Variants in PARM1 observed in about 807,000 individuals in gnomAD.
PARM1 encodes the protein prostate androgen-regulated mucin-like protein 1.
PARM1 carries 14 observed loss-of-function variants against 24.6 expected under a neutral mutation model. The ratio of observed to expected loss-of-function variants is 0.57; its 90% CI spans 0.38 to 0.89. PARM1 has a LOEUF of 0.89. Ranked by LOEUF, PARM1 falls within the 40% of genes least tolerant of loss-of-function variation. PARM1 has a pLI of 0.00. For synonymous variants in PARM1, 179 were observed against 156.6 expected, an observed-to-expected ratio of 1.14 and a Z score of -1.07; for missense variants, 362 against 380.4, an observed-to-expected ratio of 0.95 and a Z score of 0.40.
intron 1 of PARM1, among the ~76,000 whole-genome samples, chr4:75,007,786 T>A (rs1722800024): frequency 6.6e-6 from 1 of 152,110 alleles, no homozygotes; most frequent in Non-Finnish European, 1.5e-5. Context: ...GCCCTTATGA[T>A]GGAATTAGTG....
At chr4:74,946,699 A>G (rs1013187510) in intron 1 of PARM1, among the ~76,000 whole-genome samples, 1 of 152,242 alleles carries the variant, frequency 6.6e-6, no homozygotes, top group African/African-American at 2.4e-5. Flanking sequence ...TGAGGCACCA[A>G]CTGGCCAAAG....
chr4:74,970,280 A>G (rs1293749691), intron 1 of PARM1: 3 of 152,224 alleles, frequency 2.0e-5, no homozygotes, highest in Non-Finnish European at 4.4e-5. Context: ...CCTAACTTGT[A>G]CCTCACCAGT....
chr4:74,952,200 T>A (rs2109985167), intron 1 of PARM1, among the ~76,000 whole-genome samples: 1 of 152,318 alleles, frequency 6.6e-6, no homozygotes, highest in African/African-American at 2.4e-5. Context: ...AATGATGAGC[T>A]TTTTTTCATA....
At chr4:75,002,390 A>AT (rs1722697235) in intron 1 of PARM1, among the ~76,000 whole-genome samples, 1 of 152,180 alleles carries the variant, frequency 6.6e-6, no homozygotes, top group Non-Finnish European at 1.5e-5. Flanking sequence ...TCGACTAGGC[A>AT]ACAGATGTCT....
intron 2 of PARM1, among the ~76,000 whole-genome samples, chr4:75,024,255 C>CAAA (rs369591905): frequency 5.3e-4 from 71 of 134,832 alleles, no homozygotes; most frequent in African/African-American, 1.8e-3. Flanking sequence ...GAGACTCTGT[C>CAAA]AAAAAAAAAA....
intron 1 of PARM1, among the ~76,000 whole-genome samples, chr4:75,007,595 T>G (rs1722795908): frequency 6.6e-6 from 1 of 152,188 alleles, no homozygotes; most frequent in Non-Finnish European, 1.5e-5. Context: ...GCTCTAAAAT[T>G]TCCTTGAAAT....
intron 1 of PARM1, among the ~76,000 whole-genome samples, chr4:74,974,262 C>A (rs1038755363): frequency 1.3e-5 from 2 of 152,246 alleles, no homozygotes; most frequent in Non-Finnish European, 2.9e-5. Context: ...CAGAAACACC[C>A]TCACAGAGCT....
intron 3 of PARM1, among the ~76,000 whole-genome samples, chr4:75,041,130 C>T (rs1211113720): frequency 6.6e-6 from 1 of 152,134 alleles, no homozygotes; most frequent in African/African-American, 2.4e-5. Flanking sequence ...TTGATCTGTT[C>T]AGTTTATTAA....
intron 1 of PARM1, among the ~76,000 whole-genome samples, chr4:74,987,296 C>T (rs1722376141): frequency 1.3e-5 from 2 of 152,066 alleles, no homozygotes; most frequent in South Asian, 4.2e-4. Context: ...GACAGGATCA[C>T]AGGGTTCAGG....
At chr4:74,987,111 A>G (rs915823140) in intron 1 of PARM1, among the ~76,000 whole-genome samples, 2 of 152,192 alleles carry the variant, frequency 1.3e-5, no homozygotes, top group African/African-American at 2.4e-5. Context: ...ATCCTTTTCC[A>G]TCATCAAATT....
At position 74,947,144 on chromosome 4, in the gene PARM1, C is replaced by A. The variant is rs529262133; in HGVS notation, c.43+13774C>A. On this transcript the variant is annotated intron_variant, in intron 1 of 3. Transcript: ENST00000307428. ...GTGATGCACTCAGGTACTACATCTCCTAATGGAAGAATGCACCATATCCTA... is the reference window on the plus strand; with the variant it reads ...GTGATGCACTCAGGTACTACATCTCATAATGGAAGAATGCACCATATCCTA... 7.9e-5 allele frequency among the ~76,000 whole-genome samples: 12 copies of A among 152,314 alleles called. No individual in the cohort carries two copies. In the East Asian group the frequency reaches 2.1e-3, roughly 27 times the overall value.
chr4:74,975,719 AT>A (rs2109768414), intron 1 of PARM1, among the ~76,000 whole-genome samples: 1 of 152,326 alleles, frequency 6.6e-6, no homozygotes, highest in South Asian at 2.1e-4. Context: ...CTTGAGTTTA[AT>A]TTTTTAATTG....
chr4:74,950,849 T>G lies in PARM1; in HGVS notation c.43+17479T>G, dbSNP rs551192612. ...TTAGGCATTTGGAGGGGGATTTTTT[T>G]TTTTTTTACATGGAGATGGCATTTC... On this transcript the variant is annotated intron_variant, in intron 1 of 3. Transcript: ENST00000307428. Among the ~76,000 whole-genome samples, 7 of 152,218 alleles carry G rather than the reference T, an allele frequency of 4.6e-5. No homozygotes were observed. The East Asian group carries it at 1.4e-3, about 29-fold the overall frequency.
intron 1 of PARM1, chr4:74,993,740 T>C (rs964891839): frequency 6.6e-6 from 1 of 152,126 alleles, no homozygotes; most frequent in African/African-American, 2.4e-5. Context: ...AGCAGATAAC[T>C]GGTTGTCTGA....
At chr4:74,945,143 C>T (rs968208881) in intron 1 of PARM1, among the ~76,000 whole-genome samples, 8 of 152,076 alleles carry the variant, frequency 5.3e-5, no homozygotes, top group East Asian at 1.9e-4. Flanking sequence ...TTATATTTCA[C>T]AGTATGTTGG....
intron 1 of PARM1, among the ~76,000 whole-genome samples, chr4:74,937,235 C>T (rs1185975320): frequency 6.6e-6 from 1 of 152,156 alleles, no homozygotes; most frequent in East Asian, 1.9e-4. Context: ...TGTGCACACA[C>T]GTAAAGGAAC....
intron 1 of PARM1, among the ~76,000 whole-genome samples, chr4:74,959,443 G>A (rs1001231144): frequency 1.2e-4 from 18 of 152,202 alleles, no homozygotes; most frequent in South Asian, 1.0e-3. Flanking sequence ...CAAATACATC[G>A]TGGGTTCTGA....
chr4:74,948,990 C>G (rs138967581), intron 1 of PARM1, among the ~76,000 whole-genome samples: 3,960 of 152,128 alleles, frequency 0.026, 171 homozygotes, highest in African/African-American at 0.091. Context: ...CCACTGCACT[C>G]CAGCCTCGGC....
At chr4:75,008,960 A>G (rs1200554484) in intron 1 of PARM1, among the ~76,000 whole-genome samples, 2 of 151,650 alleles carry the variant, frequency 1.3e-5, no homozygotes, top group African/African-American at 2.4e-5. Context: ...TCAATCAGCC[A>G]TGACAGCTGC....
Sources: allele counts gnomAD v4.1 joint callset (sites outside exome capture counted in the v4.1 genomes callset), GRCh38; gene constraint gnomAD v4.1.1; transcripts MANE v1.5; gene names NCBI Gene and HGNC (gene_info 2026-07-23, HGNC 2026-07-21).